ERICH1: variants seen among roughly 807,000 people sequenced by gnomAD.
The protein encoded by ERICH1 is glutamate rich 1.
Under a neutral mutation model 39.6 loss-of-function variants are expected in ERICH1, and 56 were observed. That is an observed-to-expected ratio of 1.41 (90% CI 1.14 to 1.77). ERICH1 has a LOEUF of 1.77. Ranked by LOEUF, ERICH1 falls within the 40% of genes most tolerant of loss-of-function variation. ERICH1 has a pLI of 0.00. For missense variants in ERICH1, 826 were observed against 575.4 expected, an observed-to-expected ratio of 1.44 and a Z score of -4.45; for synonymous variants, 313 against 223.6, an observed-to-expected ratio of 1.40 and a Z score of -3.57.
At position 632,790 on chromosome 8, in the gene ERICH1, TTGCCCTGGGGGACATTTGGCAA is replaced by T. The variant is rs1379930126; in HGVS notation, c.977-17528_977-17507del. On this transcript the variant is annotated intron_variant, in intron 3 of 3. Coordinates refer to the ERICH1 transcript ENST00000522706. ...TAACATAACGCCCAAGTGGGTGACTTTGCCCTGGGGGACATTTGGCAATGTGTGGAGTCATTTCTGGTTTCAT... is the reference window on the plus strand; with the variant it reads ...TAACATAACGCCCAAGTGGGTGACTTTGTGTGGAGTCATTTCTGGTTTCAT... Among the ~76,000 whole-genome samples, 3 of 152,152 alleles carry T rather than the reference TTGCCCTGGGGGACATTTGGCAA, an allele frequency of 2.0e-5. No individual in the cohort carries two copies. The East Asian group carries it at 5.8e-4, about 29-fold the overall frequency.
At chr8:698,426 C>G (rs1810886622) in intron 2 of ERICH1, among the ~76,000 whole-genome samples, 1 of 152,020 alleles carries the variant, frequency 6.6e-6, no homozygotes, top group African/African-American at 2.4e-5. Flanking sequence ...ACCATGTTAC[C>G]CAAGGTCGTC....
At chr8:655,904 C>T (rs1194356461) in intron 3 of ERICH1, among the ~76,000 whole-genome samples, 1 of 152,114 alleles carries the variant, frequency 6.6e-6, no homozygotes, top group Admixed American at 6.5e-5. Flanking sequence ...GTGCAGAGAC[C>T]GCCCATCCAC....
intron 3 of ERICH1, 80 bp from the exon 4 acceptor site, chr8:674,127 C>T (rs1366530939): frequency 6.9e-7 from 1 of 1,441,784 alleles, no homozygotes; most frequent in Non-Finnish European, 9.1e-7. Context: ...AATTTTCCAT[C>T]AGGATCTTGT....
chr8:709,944 G>A lies in ERICH1; in HGVS notation c.169+5917C>T, dbSNP rs539039911. Among the ~76,000 whole-genome samples the A allele has an allele frequency of 5.9e-5, 9 of 152,218 alleles. No homozygotes were observed. The South Asian group carries it at 1.9e-3, about 32-fold the overall frequency. On this transcript the variant is annotated intron_variant, in intron 2 of 5. Coordinates refer to ENST00000262109, the MANE Select transcript of ERICH1 (RefSeq NM_207332.3). ...TTAGGTAGGTTAGAACAAAGAAAAAGTAAATCGACCTTAAAAATACAATTT... is the reference window on the plus strand; with the variant it reads ...TTAGGTAGGTTAGAACAAAGAAAAAATAAATCGACCTTAAAAATACAATTT...
chr8:686,721 G>C (rs1402729631), intron 3 of ERICH1: 1 of 152,282 alleles, frequency 6.6e-6, no homozygotes, highest in Non-Finnish European at 1.5e-5. Flanking sequence ...CCCACTTGTG[G>C]GTAGGTAAAG....
chr8:719,831 C>T (rs959189159), intron 1 of ERICH1, among the ~76,000 whole-genome samples: 2 of 152,138 alleles, frequency 1.3e-5, no homozygotes, highest in African/African-American at 2.4e-5. Flanking sequence ...CTGTACTGTC[C>T]GGATATACTT....
chr8:647,580 GC>G lies in ERICH1; in HGVS notation c.976+21017del, dbSNP rs1463069155. 5.2e-4 allele frequency among the ~76,000 whole-genome samples: 35 copies of G among 67,704 alleles called. 12 individuals carry two copies. Among genetic ancestry groups the G allele is most frequent in the African/African-American group, 1.2e-3 (31 of 26,086 alleles). 44.4% of individuals were successfully genotyped at this position (67,704 alleles called of 152,430 possible). On this transcript the variant is annotated intron_variant, in intron 3 of 3. Coordinates refer to the ERICH1 transcript ENST00000522706. Reference sequence around the variant, plus strand: ...GGAAACAGTGAGTAACACTGGAGAGGCAGAAGATAGTACAGTGGGTCTGCTA... The same window carrying G: ...GGAAACAGTGAGTAACACTGGAGAGGAGAAGATAGTACAGTGGGTCTGCTA...
chr8:710,220 C>G (rs1814387933), intron 2 of ERICH1, among the ~76,000 whole-genome samples: 1 of 152,240 alleles, frequency 6.6e-6, no homozygotes, highest in Admixed American at 6.5e-5. Context: ...CCCACCATGA[C>G]AGCATCGTAC....
At chr8:632,647 A>C (rs1244734029) in intron 3 of ERICH1, among the ~76,000 whole-genome samples, 2 of 152,234 alleles carry the variant, frequency 1.3e-5, no homozygotes, top group Non-Finnish European at 2.9e-5. Flanking sequence ...ATGAACATAA[A>C]ATTCACAAAC....
intron 1 of ERICH1, among the ~76,000 whole-genome samples, chr8:717,040 C>G (rs1816174258): frequency 1.3e-5 from 2 of 152,166 alleles, no homozygotes; most frequent in Non-Finnish European, 2.9e-5. Context: ...GTGGATGGAC[C>G]ATGAAAACCC....
chr8:686,781 A>AGC (rs933643464), intron 3 of ERICH1: 5 of 152,228 alleles, frequency 3.3e-5, no homozygotes, highest in Non-Finnish European at 5.9e-5. Flanking sequence ...AGAGAGAGAG[A>AGC]GCGCGCACAG....
chr8:695,442 G>A (rs1809936844), intron 2 of ERICH1, among the ~76,000 whole-genome samples: 1 of 152,120 alleles, frequency 6.6e-6, no homozygotes, highest in South Asian at 2.1e-4. Flanking sequence ...CCTGGCAGAG[G>A]CCAGCCATCC....
chr8:634,353 C>T (rs971188038), intron 3 of ERICH1, among the ~76,000 whole-genome samples: 2 of 151,172 alleles, frequency 1.3e-5, no homozygotes, highest in African/African-American at 4.9e-5. Flanking sequence ...CGTCGTGGAG[C>T]GCTTGGAACC....
At chr8:627,208 G>A (rs1563164805) in intron 3 of ERICH1, 2 of 456,100 alleles carry the variant, frequency 4.4e-6, no homozygotes, top group African/African-American at 2.0e-5. Context: ...TGTACCATTG[G>A]CCCAGGCTCT....
At chr8:672,957 A>G (rs540116944) in intron 4 of ERICH1, among the ~76,000 whole-genome samples, 19 of 152,342 alleles carry the variant, frequency 1.2e-4, no homozygotes, top group Non-Finnish European at 2.9e-5. Flanking sequence ...GGATGCCAAC[A>G]CACTCCAAAA....
In ERICH1 at chr8:664,598, C is replaced by G; in HGVS notation, c.*5G>C. 1.2e-6 allele frequency: 2 copies of G among 1,605,024 alleles called. No individual in the cohort carries two copies. The highest frequency in any genetic ancestry group is 1.7e-6 in the Non-Finnish European group (2 of 1,176,562). ...GAGGAGCTGTTCTTAAAGAGATATT[C>G]CATTTTAGTCACTGCTCTTCTCAGG... On this transcript the variant is annotated 3_prime_UTR_variant, in exon 6 of 6. Coordinates refer to ENST00000262109, the MANE Select transcript of ERICH1 (RefSeq NM_207332.3).
At chr8:717,392 G>A (rs77629721) in intron 1 of ERICH1, among the ~76,000 whole-genome samples, 4,557 of 152,200 alleles carry the variant, frequency 0.03, 240 homozygotes, top group African/African-American at 0.11. Context: ...CCTGCCCGGC[G>A]GAGACACCTT....
chr8:644,038 G>T (rs1799322221), intron 3 of ERICH1, among the ~76,000 whole-genome samples: 1 of 152,224 alleles, frequency 6.6e-6, no homozygotes, highest in Admixed American at 6.5e-5. Flanking sequence ...CGCACACTGG[G>T]CTTTCTCCAG....
At chr8:665,642 C>A (rs1211776739) in intron 5 of ERICH1, among the ~76,000 whole-genome samples, 2 of 152,238 alleles carry the variant, frequency 1.3e-5, no homozygotes, top group Non-Finnish European at 2.9e-5. Context: ...CTTCTCAGTG[C>A]ACGGTGGGAG....
Sources: allele counts gnomAD v4.1 joint callset (sites outside exome capture counted in the v4.1 genomes callset), GRCh38; gene constraint gnomAD v4.1.1; transcripts MANE v1.5; gene names NCBI Gene and HGNC (gene_info 2026-07-23, HGNC 2026-07-21).